RAB18: variants seen among roughly 807,000 people sequenced by gnomAD.
The protein encoded by RAB18 is ras-related protein Rab-18.
In RAB18, 10 loss-of-function variants were observed where a neutral mutation model predicts 28.5. That is an observed-to-expected ratio of 0.35 (90% CI 0.22 to 0.60). The LOEUF is 0.60. Ranked by LOEUF, RAB18 falls within the 20% of genes least tolerant of loss-of-function variation. RAB18 has a pLI of 0.78. For missense variants in RAB18, 188 were observed against 244.2 expected (o/e 0.77, Z 1.53); for synonymous variants, 93 against 86.9 (o/e 1.07, Z -0.39).
chr10:27,509,862 A>G lies in RAB18; in HGVS notation c.69-13A>G. 1 of 1,608,406 alleles carries G rather than the reference A, an allele frequency of 6.2e-7. No individual in the cohort carries two copies. The highest frequency in any genetic ancestry group is 2.2e-5 in the East Asian group (1 of 44,842). The stretch of plus-strand genomic sequence containing the variant: ...TTCAAGTTCCCAACCTGTCTTTTTA[A>G]TATCTCTTTCAGCCTGCTCTTGAGG... On this transcript the variant is annotated splice_polypyrimidine_tract_variant and intron_variant, in intron 1 of 6. Transcript: ENST00000356940.
intron 2 of RAB18, among the ~76,000 whole-genome samples, chr10:27,512,270 G>A (rs1010239185): frequency 6.6e-6 from 1 of 151,256 alleles, no homozygotes; most frequent in Non-Finnish European, 1.5e-5. Context: ...ATTGTAATTT[G>A]GCTTTGTTGT....
At chr10:27,535,093 G>T (rs1043079445) in intron 6 of RAB18, among the ~76,000 whole-genome samples, 2 of 152,174 alleles carry the variant, frequency 1.3e-5, no homozygotes, top group African/African-American at 2.4e-5. Context: ...CTGGAGTGGG[G>T]ACTGCTTAGG....
At chr10:27,532,029 C>T (rs993302438) in intron 3 of RAB18, among the ~76,000 whole-genome samples, 1 of 151,812 alleles carries the variant, frequency 6.6e-6, no homozygotes, top group Non-Finnish European at 1.5e-5. Flanking sequence ...AAGAGCCCAA[C>T]CTAAAAATCT....
chr10:27,504,513 G>T, intron 1 of RAB18, 76 bp downstream of exon 1: 1 of 1,473,186 alleles, frequency 6.8e-7, no homozygotes, highest in Non-Finnish European at 9.3e-7. Context: ...CCTGGGCCGC[G>T]ACGGGAACTG....
At chr10:27,529,332 C>T (rs183998704) in intron 3 of RAB18, among the ~76,000 whole-genome samples, 1 of 151,918 alleles carries the variant, frequency 6.6e-6, no homozygotes, top group East Asian at 1.9e-4. Context: ...TTGGGTGTAA[C>T]GTATTTAGGA....
intron 6 of RAB18, among the ~76,000 whole-genome samples, chr10:27,534,575 C>T (rs1032229644): frequency 3.9e-5 from 6 of 152,206 alleles, no homozygotes; most frequent in Admixed American, 6.5e-5. Context: ...AGAGGCCATA[C>T]GGCCCACGAA....
chr10:27,521,735 A>G (rs1249517252), intron 2 of RAB18, among the ~76,000 whole-genome samples: 1 of 152,170 alleles, frequency 6.6e-6, no homozygotes, highest in South Asian at 2.1e-4. Context: ...AAAACTACAC[A>G]TTGGGTACAG....
intron 2 of RAB18, among the ~76,000 whole-genome samples, chr10:27,521,462 CA>C (rs1834551605): frequency 6.6e-6 from 1 of 152,152 alleles, no homozygotes; most frequent in African/African-American, 2.4e-5. Flanking sequence ...AAATGCCCAT[CA>C]ATCAATGAGT....
chr10:27,509,613 C>T (rs1834285095), intron 1 of RAB18, among the ~76,000 whole-genome samples: 1 of 152,076 alleles, frequency 6.6e-6, no homozygotes, highest in Non-Finnish European at 1.5e-5. Context: ...AAACCCCCAC[C>T]TTTTGTACTT....
intron 1 of RAB18, among the ~76,000 whole-genome samples, chr10:27,508,067 G>T (rs1017508631): frequency 6.6e-6 from 1 of 150,872 alleles, no homozygotes; most frequent in Non-Finnish European, 1.5e-5. Context: ...GAGATTGTCA[G>T]TTCTTTTCAA....
Position 27,537,916 on chromosome 10 carries a change from T to A in RAB18, c.486T>A (p.Phe162Leu), listed in dbSNP as rs1242645151. ...AKTCDGVQCA[F>L]EELVEKIIQT... is the part of the protein sequence containing the mutation. ...CCTGTGATGGTGTACAATGTGCCTT[T>A]GAAGAACTTGTTGAAAAGATCATTC... The change falls in exon 7 of 7, where the codon TTT becomes TTA. Residue 162 changes from phenylalanine (F) to leucine (L), a missense_variant. Phe to Leu is a conservative substitution (Grantham distance 22). Coordinates refer to ENST00000356940, the MANE Select transcript of RAB18 (RefSeq NM_021252.5). The A allele has an allele frequency of 1.9e-6, 3 of 1,613,994 alleles. No individual in the cohort carries two copies. The African/African-American group carries it at 4.0e-5, about 22-fold the overall frequency.
chr10:27,519,149 A>T (rs1589570828), intron 2 of RAB18, among the ~76,000 whole-genome samples: 1 of 138,934 alleles, frequency 7.2e-6, no homozygotes, highest in Non-Finnish European at 1.5e-5. Context: ...GTTTAACATT[A>T]AAAAAAAAAT....
At chr10:27,523,905 T>C (rs905117231) in intron 2 of RAB18, among the ~76,000 whole-genome samples, 7 of 151,746 alleles carry the variant, frequency 4.6e-5, no homozygotes, top group Non-Finnish European at 7.4e-5. Context: ...CGGTGAAACC[T>C]CGTCTTTACT....
chr10:27,536,654 G>T (rs990540533), intron 6 of RAB18, among the ~76,000 whole-genome samples: 2 of 152,192 alleles, frequency 1.3e-5, no homozygotes, highest in African/African-American at 4.8e-5. Flanking sequence ...ACATGTCAGT[G>T]GGCTCAGAGG....
chr10:27,508,943 G>A (rs1386443545), intron 1 of RAB18, among the ~76,000 whole-genome samples: 1 of 152,132 alleles, frequency 6.6e-6, no homozygotes, highest in African/African-American at 2.4e-5. Context: ...TAACATGAGG[G>A]AAGATTGAAT....
rs1464711906 is a variant in RAB18, at chr10:27,542,172, C to G, written c.*4121C>G. The G allele has an allele frequency of 2.2e-6, 1 of 454,052 alleles. No individual in the cohort carries two copies. The highest frequency in any genetic ancestry group is 4.4e-6 in the Non-Finnish European group (1 of 226,784). The allele number at this position is 454,052 out of a possible 1,614,324, so 28.1% of individuals were successfully genotyped here. On this transcript the variant is annotated 3_prime_UTR_variant, in exon 7 of 7. Transcript: ENST00000356940. The stretch of plus-strand genomic sequence containing the variant: ...TGGGAACTTCTGGATCAAATTGGAC[C>G]TGAATTGAGATCTATTTCTCAGCTT...
intron 2 of RAB18, chr10:27,510,183 C>T: frequency 1.9e-6 from 1 of 524,534 alleles, no homozygotes; most frequent in Admixed American, 3.2e-5. Context: ...ATTATCTGTA[C>T]ACACATTTCT....
chr10:27,525,332 A>G (rs1002153422), intron 2 of RAB18, among the ~76,000 whole-genome samples: 4 of 152,230 alleles, frequency 2.6e-5, no homozygotes, highest in African/African-American at 4.8e-5. Context: ...GACAGAGGCT[A>G]TCTCTGTGTA....
chr10:27,530,513 T>C (rs1351251010), intron 3 of RAB18, among the ~76,000 whole-genome samples: 4 of 151,994 alleles, frequency 2.6e-5, no homozygotes, highest in African/African-American at 7.2e-5. Context: ...ATAATGTATC[T>C]GGATACTGAA....
Sources: gnomAD v4.1 joint callset for allele counts (sites outside exome capture counted in the v4.1 genomes callset) on GRCh38, gnomAD v4.1.1 for gene constraint, MANE v1.5 for transcripts, NCBI Gene and HGNC (gene_info 2026-07-23, HGNC 2026-07-21) for gene names.